STARD13: variants seen among roughly 807,000 people sequenced by gnomAD.
The protein encoded by STARD13 is StAR related lipid transfer domain containing 13.
A neutral mutation model predicts 106.4 loss-of-function variants in STARD13; 62 were observed. The ratio of observed to expected loss-of-function variants is 0.58; its 90% CI spans 0.48 to 0.72. STARD13 has a LOEUF of 0.72. Ranked by LOEUF, STARD13 falls within the 30% of genes least tolerant of loss-of-function variation. The pLI, the probability that STARD13 is intolerant of heterozygous loss-of-function variation, is 0.00. For missense variants in STARD13, 1,387 were observed against 1,424.0 expected, an observed-to-expected ratio of 0.97 and a Z score of 0.42; for synonymous variants, 565 against 553.0, an observed-to-expected ratio of 1.02 and a Z score of -0.31.
chr13:33,226,871 T>C (rs1399322232), intron 1 of STARD13, among the ~76,000 whole-genome samples: 1 of 152,224 alleles, frequency 6.6e-6, no homozygotes, highest in African/African-American at 2.4e-5. Flanking sequence ...CTATAAAACA[T>C]CTATCTTTCT....
the STARD13 span, among the ~76,000 whole-genome samples, chr13:33,619,265 CA>C: frequency 6.6e-6 from 1 of 152,152 alleles, no homozygotes; most frequent in African/African-American, 2.4e-5. Flanking sequence ...GGGAAGATTC[CA>C]AGTAGTTTAC....
chr13:33,449,463 T>A, the STARD13 span, among the ~76,000 whole-genome samples: 43 of 152,286 alleles, frequency 2.8e-4, no homozygotes, highest in African/African-American at 8.9e-4. Flanking sequence ...TCAGTCTATG[T>A]GTCTGTTTTC....
the STARD13 span, chr13:33,524,167 TG>T: frequency 1.2e-6 from 1 of 867,592 alleles, no homozygotes; most frequent in Non-Finnish European, 1.5e-6. Context: ...GTTTTTACCT[TG>T]GTGAATTACA....
At chr13:33,289,838 A>C (rs925751463), upstream of STARD13, among the ~76,000 whole-genome samples, 1 of 151,866 alleles carries the variant, frequency 6.6e-6, no homozygotes, top group Non-Finnish European at 1.5e-5. Flanking sequence ...TGAGGACTAG[A>C]GACTCTCCCC....
At chr13:33,552,876 T>C in the STARD13 span, among the ~76,000 whole-genome samples, 1 of 152,154 alleles carries the variant, frequency 6.6e-6, no homozygotes, top group African/African-American at 2.4e-5. Context: ...AAAATCATTC[T>C]AAAGTTTATC....
Position 33,341,403 on chromosome 13 carries a change from C to T in STARD13, c.124+8887G>A, listed in dbSNP as rs959446992. ...CCTGTAATCCCAGCACTTTGAGAGG[C>T]CGAGGTGGGCGGATCACAAGGTCAG... is the stretch of plus-strand genomic sequence containing the variant. On this transcript the variant is annotated intron_variant, in intron 1 of 5. Transcript: ENST00000567873. Among the ~76,000 whole-genome samples the T allele has an allele frequency of 4.6e-5, 7 of 152,194 alleles. No individual in the cohort carries two copies. The East Asian group carries it at 1.4e-3, about 29-fold the overall frequency.
intron 3 of STARD13, among the ~76,000 whole-genome samples, chr13:33,146,605 T>C (rs1463452997): frequency 6.6e-6 from 1 of 152,172 alleles, no homozygotes; most frequent in Non-Finnish European, 1.5e-5. Flanking sequence ...TAAATAAAGC[T>C]GAATAAAAAA....
At chr13:33,554,515 AATTAAGACATGGAATGTGCCAGG>A in the STARD13 span, among the ~76,000 whole-genome samples, 1 of 152,188 alleles carries the variant, frequency 6.6e-6, no homozygotes, top group Non-Finnish European at 1.5e-5. Context: ...TAGTTACATG[AATTAAGACATGGAATGTGCCAGG>A]TACTATGTAT....
chr13:33,496,047 G>A, the STARD13 span, among the ~76,000 whole-genome samples: 3 of 138,550 alleles, frequency 2.2e-5, no homozygotes, highest in African/African-American at 7.8e-5. Context: ...ATTATGTATA[G>A]TTAATATAAT....
At chr13:33,623,642 T>C in the STARD13 span, among the ~76,000 whole-genome samples, 1 of 152,142 alleles carries the variant, frequency 6.6e-6, no homozygotes, top group East Asian at 1.9e-4. Flanking sequence ...TATCTGCATC[T>C]ACCTGTCTAT....
intron 1 of STARD13, among the ~76,000 whole-genome samples, chr13:33,201,391 G>C (rs1239342862): frequency 6.6e-6 from 1 of 152,216 alleles, no homozygotes; most frequent in Non-Finnish European, 1.5e-5. Flanking sequence ...CGGTATTCCT[G>C]TGGTTTATCC....
the STARD13 span, among the ~76,000 whole-genome samples, chr13:33,623,953 A>G: frequency 6.6e-6 from 1 of 152,224 alleles, no homozygotes; most frequent in Non-Finnish European, 1.5e-5. Context: ...AGAGATTGAT[A>G]AAACAGTACT....
At chr13:33,650,164 A>ATT in the STARD13 span, among the ~76,000 whole-genome samples, 46 of 48,374 alleles carry the variant, frequency 9.5e-4, 11 homozygotes, top group East Asian at 1.5e-3. Flanking sequence ...CGTGACTCCA[A>ATT]TTTTTTTTTT....
chr13:33,533,249 T>G, the STARD13 span, among the ~76,000 whole-genome samples: 2 of 152,136 alleles, frequency 1.3e-5, no homozygotes, highest in African/African-American at 4.8e-5. Context: ...GGTAGCAGAC[T>G]GGGTGAGGAG....
chr13:33,309,409 G>A (rs150733052), intron 1 of STARD13, among the ~76,000 whole-genome samples: 145 of 152,274 alleles, frequency 9.5e-4, no homozygotes, highest in African/African-American at 3.3e-3. Flanking sequence ...GGAGTTGTGG[G>A]TCAGCTCTTA....
chr13:33,262,689 A>ACACACC (rs1566105513), intron 1 of STARD13, among the ~76,000 whole-genome samples: 2 of 133,874 alleles, frequency 1.5e-5, no homozygotes, highest in African/African-American at 5.4e-5. Context: ...ACACACACAC[A>ACACACC]CCCTGTACTC....
chr13:33,375,037 G>A, the STARD13 span, among the ~76,000 whole-genome samples: 91 of 152,288 alleles, frequency 6.0e-4, no homozygotes, highest in African/African-American at 2.0e-3. Context: ...CTGCAAGTTT[G>A]TATGAATTTC....
At chr13:33,630,497 C>T in the STARD13 span, among the ~76,000 whole-genome samples, 7 of 152,268 alleles carry the variant, frequency 4.6e-5, no homozygotes, top group African/African-American at 4.8e-5. Flanking sequence ...GTGTAGATTG[C>T]GTACCTTGCG....
At chr13:33,183,085 G>A (rs1294688876) in intron 1 of STARD13, among the ~76,000 whole-genome samples, 1 of 152,162 alleles carries the variant, frequency 6.6e-6, no homozygotes, top group Non-Finnish European at 1.5e-5. Context: ...AAGATTTAGC[G>A]AAGACATCAT....
Sources: allele counts gnomAD v4.1 joint callset (sites outside exome capture counted in the v4.1 genomes callset), GRCh38; gene constraint gnomAD v4.1.1; transcripts MANE v1.5; gene names NCBI Gene and HGNC (gene_info 2026-07-23, HGNC 2026-07-21).